Variants in GLIS1 observed in about 807,000 individuals in gnomAD.
GLIS1 encodes the protein GLIS family zinc finger 1.
GLIS1 carries 24 observed loss-of-function variants against 63.8 expected under a neutral mutation model. That is an observed-to-expected ratio of 0.38 (90% CI 0.27 to 0.53). The LOEUF (loss-of-function observed/expected upper bound fraction) is 0.53, where lower values mean the gene tolerates loss of function less well. Ranked by LOEUF, GLIS1 falls within the 20% of genes least tolerant of loss-of-function variation. The probability of loss-of-function intolerance (pLI) is 0.85; values close to 1 mark genes in which losing one functional copy is unlikely to be tolerated. For synonymous variants in GLIS1, 450 were observed against 482.5 expected (o/e 0.93, Z 0.88); for missense variants, 1,036 against 1,074.1 (o/e 0.96, Z 0.50).
intron 2 of GLIS1, among the ~76,000 whole-genome samples, chr1:53,707,079 G>T (rs1570081674): frequency 6.6e-6 from 1 of 152,150 alleles, no homozygotes; most frequent in Non-Finnish European, 1.5e-5. Flanking sequence ...TCATATGGGG[G>T]ATGCAGGAAA....
In GLIS1 at chr1:53,598,805, G is replaced by A. The variant is rs1445919282; in HGVS notation, c.437+1296C>T. Among the ~76,000 whole-genome samples, 1 of 152,160 alleles carries A rather than the reference G, an allele frequency of 6.6e-6. No individual in the cohort carries two copies. The highest frequency in any genetic ancestry group is 1.5e-5 in the Non-Finnish European group (1 of 68,030). ...TTACTAATATCAAAGGAAGCCAGAA[G>A]GAATCTAAATTCTCAAAGGAAAATG... is the stretch of plus-strand genomic sequence containing the variant. On this transcript the variant is annotated intron_variant, in intron 3 of 10. Coordinates refer to ENST00000628545, the MANE Select transcript of GLIS1 (RefSeq NM_001367484.1). The surrounding 1 kb of genome is among the most constrained non-coding windows in gnomAD (Gnocchi z 4.6).
intron 8 of GLIS1, among the ~76,000 whole-genome samples, chr1:53,513,161 G>A (rs879472276): frequency 6.6e-6 from 1 of 151,994 alleles, no homozygotes; most frequent in Non-Finnish European, 1.5e-5. Context: ...TCATCCCTGA[G>A]GCCTCCTCCT....
At chr1:53,706,854 T>G (rs1646583815) in intron 2 of GLIS1, among the ~76,000 whole-genome samples, 2 of 152,166 alleles carry the variant, frequency 1.3e-5, no homozygotes, top group Non-Finnish European at 2.9e-5. Flanking sequence ...CAGGAACATT[T>G]CTAAATGTTC....
chr1:53,644,439 C>T (rs929060730), intron 2 of GLIS1, among the ~76,000 whole-genome samples: 1 of 152,110 alleles, frequency 6.6e-6, no homozygotes, highest in Admixed American at 6.5e-5. Flanking sequence ...AGACAGTGAA[C>T]AAAACAGACA....
rs371446725 is a variant in GLIS1 at position 53,578,256 on chromosome 1, T to C, written c.1320+15852A>G. Among the ~76,000 whole-genome samples, 17 of 152,274 alleles carry C rather than the reference T, an allele frequency of 1.1e-4. No homozygotes were observed. The South Asian group carries it at 2.7e-3, about 24-fold the overall frequency. On this transcript the variant is annotated intron_variant, in intron 4 of 10. Transcript: ENST00000628545. ...TTAACTTCTCTGAATCTCAATGTCC[T>C]CTACTGTAAAATGGGGATAATGACA...
chr1:53,731,727 C>T (rs1370243088), intron 2 of GLIS1, among the ~76,000 whole-genome samples: 1 of 152,206 alleles, frequency 6.6e-6, no homozygotes, highest in Non-Finnish European at 1.5e-5. Flanking sequence ...AAGCATCTCA[C>T]CTGGCACAGA....
intron 1 of GLIS1, among the ~76,000 whole-genome samples, 154 bp from the exon 2 acceptor site, chr1:53,738,260 C>T (rs1646932602): frequency 6.6e-6 from 1 of 152,152 alleles, no homozygotes. Context: ...AGAGGTCAAA[C>T]CCACCTGATT....
chr1:53,584,568 A>G (rs986932974), intron 4 of GLIS1, among the ~76,000 whole-genome samples: 8 of 152,188 alleles, frequency 5.3e-5, no homozygotes, highest in Non-Finnish European at 1.2e-4. Context: ...CCTTGCTTCT[A>G]GCACTGAACT....
chr1:53,643,535 C>T (rs1353619804), intron 2 of GLIS1, among the ~76,000 whole-genome samples: 2 of 152,154 alleles, frequency 1.3e-5, no homozygotes, highest in Non-Finnish European at 2.9e-5. Flanking sequence ...GTACAATGAC[C>T]ATGGGGAGGG....
intron 2 of GLIS1, among the ~76,000 whole-genome samples, chr1:53,692,763 T>C (rs1646420214): frequency 6.6e-6 from 1 of 152,184 alleles, no homozygotes; most frequent in Non-Finnish European, 1.5e-5. Context: ...ACCCAGGCCA[T>C]CCTAGCTCGG....
At chr1:53,606,242 C>T (rs537937757) in intron 2 of GLIS1, among the ~76,000 whole-genome samples, 1 of 152,314 alleles carries the variant, frequency 6.6e-6, no homozygotes, top group East Asian at 1.9e-4. Context: ...CTGGGGTAGA[C>T]CTATTTTCCT....
At chr1:53,724,203 G>A (rs557214602) in intron 2 of GLIS1, among the ~76,000 whole-genome samples, 1 of 152,310 alleles carries the variant, frequency 6.6e-6, no homozygotes, top group South Asian at 2.1e-4. Flanking sequence ...CAAGGTAGAG[G>A]CCAAGGATGC....
At chr1:53,668,506 T>C (rs1646118614) in intron 2 of GLIS1, among the ~76,000 whole-genome samples, 1 of 152,116 alleles carries the variant, frequency 6.6e-6, no homozygotes, top group South Asian at 2.1e-4. Flanking sequence ...AGACTATAGG[T>C]GCACGCCACC....
intron 4 of GLIS1, among the ~76,000 whole-genome samples, chr1:53,535,316 C>T (rs781538645): frequency 1.3e-5 from 2 of 152,056 alleles, no homozygotes; most frequent in Non-Finnish European, 2.9e-5. Context: ...CCCCAGGTCA[C>T]GCAGGGCTGA....
At chr1:53,622,497 G>T (rs926700856) in intron 2 of GLIS1, among the ~76,000 whole-genome samples, 1 of 151,450 alleles carries the variant, frequency 6.6e-6, no homozygotes, top group African/African-American at 2.4e-5. Flanking sequence ...TCCAGAATTG[G>T]TGAATGTTAT....
intron 4 of GLIS1, among the ~76,000 whole-genome samples, chr1:53,532,825 T>C (rs1436211940): frequency 6.6e-6 from 1 of 152,252 alleles, no homozygotes; most frequent in African/African-American, 2.4e-5. Context: ...TGTGTATTCC[T>C]GCCTTGGCCA....
At chr1:53,645,255 C>T (rs948149290) in intron 2 of GLIS1, among the ~76,000 whole-genome samples, 11 of 152,152 alleles carry the variant, frequency 7.2e-5, no homozygotes, top group Admixed American at 3.9e-4. Context: ...CTTTCCTGGT[C>T]GTGCTATTCC....
intron 2 of GLIS1, among the ~76,000 whole-genome samples, chr1:53,671,406 C>T (rs539993429): frequency 2.0e-5 from 3 of 152,332 alleles, no homozygotes; most frequent in Admixed American, 1.3e-4. Context: ...AGGCTCGGCT[C>T]CTGGCACCAC....
At chr1:53,561,650 G>A (rs1644893266) in intron 4 of GLIS1, among the ~76,000 whole-genome samples, 1 of 152,184 alleles carries the variant, frequency 6.6e-6, no homozygotes. Flanking sequence ...GCCTGGGGTG[G>A]GGGCTGGCTG....
Sources: allele counts gnomAD v4.1 joint callset (sites outside exome capture counted in the v4.1 genomes callset), GRCh38; gene constraint gnomAD v4.1.1; non-coding constraint Gnocchi (gnomAD v3.1); transcripts MANE v1.5; gene names NCBI Gene and HGNC (gene_info 2026-07-23, HGNC 2026-07-21).